The following LRRC8C variants were observed in gnomAD, a reference collection of about 807,000 sequenced individuals.
LRRC8C encodes the protein leucine rich repeat containing 8 VRAC subunit C.
LRRC8C carries 20 observed loss-of-function variants against 55.3 expected under a neutral mutation model. The observed-to-expected ratio is 0.36, with a 90% CI of 0.25 to 0.53. The LOEUF is 0.53. LRRC8C is among the 20% of genes least tolerant of loss of function. The pLI is 0.92. For missense variants in LRRC8C, 659 were observed against 951.4 expected (o/e 0.69, Z 4.04); for synonymous variants, 376 against 360.7 (o/e 1.04, Z -0.48).
At chr1:89,703,059 A>C (rs1352483187) in intron 2 of LRRC8C, among the ~76,000 whole-genome samples, 1 of 152,200 alleles carries the variant, frequency 6.6e-6, no homozygotes, top group Non-Finnish European at 1.5e-5. Context: ...ATATTTGAAG[A>C]AATATTTGCT....
chr1:89,635,572 T>C (rs1252061354), intron 1 of LRRC8C, among the ~76,000 whole-genome samples: 2 of 152,250 alleles, frequency 1.3e-5, no homozygotes, highest in Non-Finnish European at 1.5e-5. Flanking sequence ...CTTAATGATA[T>C]ACTTTTTTTT....
At position 89,666,820 on chromosome 1, in the gene LRRC8C, G is replaced by A. The variant is rs557028712; in HGVS notation, c.-4-19650G>A. Among the ~76,000 whole-genome samples, 108 of 152,162 alleles carry A rather than the reference G, an allele frequency of 7.1e-4. 1 individual carries two copies. The highest frequency in any genetic ancestry group is 1.2e-3 in the Admixed American group (18 of 15,282). ...TTTTATGTGCCAGATACTGTTCTAG[G>A]CTCTGGGAGACAGGAGTGAACAAAA... On this transcript the variant is annotated intron_variant, in intron 1 of 2. Coordinates refer to ENST00000370454, the MANE Select transcript of LRRC8C (RefSeq NM_032270.5).
chr1:89,712,074 C>A (rs1361887842), intron 2 of LRRC8C, among the ~76,000 whole-genome samples: 1 of 152,192 alleles, frequency 6.6e-6, no homozygotes, highest in Non-Finnish European at 1.5e-5. Context: ...ATATACTTCC[C>A]AGACTGATGA....
rs1399452747 is a variant in LRRC8C at position 89,645,966 on chromosome 1, T to TAGATAGATAGATAGAC, written c.-5+12659_-5+12660insCAGATAGATAGATAGA. On this transcript the variant is annotated intron_variant, in intron 1 of 2. Coordinates refer to ENST00000370454, the MANE Select transcript of LRRC8C (RefSeq NM_032270.5). ...TTTGGTAGGAAGATGATCAGATAGA[T>TAGATAGATAGATAGAC]AGATAGATAGATAGATAGATATGGT... Among the ~76,000 whole-genome samples, 3 of 151,808 alleles carry TAGATAGATAGATAGAC rather than the reference T, an allele frequency of 2.0e-5. No individual in the cohort carries two copies. In the East Asian group the frequency reaches 5.8e-4, roughly 29 times the overall value.
At chr1:89,640,216 C>T (rs1404332944) in intron 1 of LRRC8C, among the ~76,000 whole-genome samples, 10 of 152,184 alleles carry the variant, frequency 6.6e-5, no homozygotes, top group East Asian at 1.9e-4. Flanking sequence ...AGGCGCCTGC[C>T]GCCGCACCCA....
At chr1:89,635,600 AT>A (rs1416604278) in intron 1 of LRRC8C, among the ~76,000 whole-genome samples, 7 of 152,148 alleles carry the variant, frequency 4.6e-5, no homozygotes, top group African/African-American at 1.4e-4. Flanking sequence ...AAAGCTGCTT[AT>A]TTATTTTTTC....
intron 1 of LRRC8C, among the ~76,000 whole-genome samples, chr1:89,685,228 C>T (rs572155283): frequency 8.9e-4 from 133 of 149,460 alleles, no homozygotes; most frequent in African/African-American, 3.1e-3. Flanking sequence ...ACGCCATTCT[C>T]CTGCCTCAGC....
chr1:89,638,470 G>T (rs1656356732), intron 1 of LRRC8C, among the ~76,000 whole-genome samples: 1 of 109,206 alleles, frequency 9.2e-6, no homozygotes, highest in Admixed American at 1.1e-4. Context: ...TTTCCTAGGG[G>T]CAAGATTGTC....
upstream of LRRC8C, among the ~76,000 whole-genome samples, chr1:89,629,268 C>T (rs560086600): frequency 4.6e-5 from 7 of 152,326 alleles, no homozygotes; most frequent in South Asian, 6.2e-4. Flanking sequence ...AAAACAACAA[C>T]GTTTTCTTTT....
At position 89,686,826 on chromosome 1, in the gene LRRC8C, A is replaced by G. The variant is rs146154662; in HGVS notation, c.138+215A>G. Among the ~76,000 whole-genome samples, 6 of 152,354 alleles carry G rather than the reference A, an allele frequency of 3.9e-5. No homozygotes were observed. In the East Asian group the frequency reaches 5.8e-4, roughly 15 times the overall value. On this transcript the variant is annotated intron_variant, in intron 2 of 2. Coordinates refer to ENST00000370454, the MANE Select transcript of LRRC8C (RefSeq NM_032270.5). Reference sequence around the variant, plus strand: ...GTACTTGAAAGATTTCAATGAGCCCAAAGAGCAATTGACTGTAGTCAAGTA... The same window carrying G: ...GTACTTGAAAGATTTCAATGAGCCCGAAGAGCAATTGACTGTAGTCAAGTA...
At chr1:89,653,831 T>C (rs1656858644) in intron 1 of LRRC8C, among the ~76,000 whole-genome samples, 1 of 152,190 alleles carries the variant, frequency 6.6e-6, no homozygotes, top group African/African-American at 2.4e-5. Flanking sequence ...TGGAGTGAAA[T>C]TAACAATTAT....
chr1:89,618,893 C>T, the LRRC8C span, among the ~76,000 whole-genome samples: 2 of 152,172 alleles, frequency 1.3e-5, no homozygotes, highest in African/African-American at 4.8e-5. Context: ...AATATTGACA[C>T]CTCTTGTTTT....
intron 2 of LRRC8C, among the ~76,000 whole-genome samples, chr1:89,707,267 T>C (rs185380170): frequency 1.3e-5 from 2 of 151,856 alleles, no homozygotes; most frequent in Non-Finnish European, 2.9e-5. Flanking sequence ...ATTAGTCGGG[T>C]GTGGTGGCAC....
chr1:89,712,658 A>G (rs1329086041), intron 2 of LRRC8C, 51 bp from the exon 3 acceptor site: 2 of 1,360,754 alleles, frequency 1.5e-6, no homozygotes, highest in African/African-American at 1.4e-5. Context: ...TAATGACATT[A>G]TGAAAGCTCT....
At chr1:89,694,469 AG>A (rs1658109496) in intron 2 of LRRC8C, among the ~76,000 whole-genome samples, 1 of 151,658 alleles carries the variant, frequency 6.6e-6, no homozygotes. Context: ...GTTATTTTGG[AG>A]ACGAGTTCTC....
chr1:89,678,324 C>T (rs1320591998), intron 1 of LRRC8C, among the ~76,000 whole-genome samples: 2 of 152,200 alleles, frequency 1.3e-5, no homozygotes, highest in Admixed American at 6.5e-5. Flanking sequence ...ACTTGTAACA[C>T]ATCGATGAAC....
At chr1:89,649,518 A>T (rs1264087663) in intron 1 of LRRC8C, among the ~76,000 whole-genome samples, 1 of 152,096 alleles carries the variant, frequency 6.6e-6, no homozygotes, top group Non-Finnish European at 1.5e-5. Flanking sequence ...GTGTCCAGAA[A>T]AGATTTTTTT....
At chr1:89,636,363 A>G (rs1208885387) in intron 1 of LRRC8C, among the ~76,000 whole-genome samples, 1 of 152,218 alleles carries the variant, frequency 6.6e-6, no homozygotes, top group Non-Finnish European at 1.5e-5. Flanking sequence ...AATTATACAA[A>G]GGTCTAATCT....
chr1:89,677,390 T>C (rs1657580808), intron 1 of LRRC8C, among the ~76,000 whole-genome samples: 1 of 152,256 alleles, frequency 6.6e-6, no homozygotes. Context: ...GAGGACAGTA[T>C]AGCTTAAGAA....
Sources: allele counts gnomAD v4.1 joint callset (sites outside exome capture counted in the v4.1 genomes callset), GRCh38; gene constraint gnomAD v4.1.1; transcripts MANE v1.5; gene names NCBI Gene and HGNC (gene_info 2026-07-23, HGNC 2026-07-21).